Variants in RICTOR observed in about 807,000 individuals in gnomAD.
RICTOR encodes rapamycin-insensitive companion of mTOR.
In RICTOR, 49 loss-of-function variants were observed where a neutral mutation model predicts 214.9. The observed-to-expected ratio is 0.23, with a 90% CI of 0.18 to 0.29. The LOEUF (loss-of-function observed/expected upper bound fraction) is 0.29. RICTOR is among the 10% of genes least tolerant of loss of function. The pLI, the probability that RICTOR is intolerant of heterozygous loss-of-function variation, is 1.00. For synonymous variants in RICTOR, 717 were observed against 711.3 expected (o/e 1.01, Z -0.13); for missense variants, 1,625 against 2,047.0 (o/e 0.79, Z 3.98).
Position 38,994,117 on chromosome 5 carries a change from G to T in RICTOR, c.456+2702C>A, listed in dbSNP as rs573380994. Among the ~76,000 whole-genome samples, 304 of 152,102 alleles carry T rather than the reference G, an allele frequency of 2.0e-3. 4 individuals carry two copies. The highest frequency in any genetic ancestry group is 6.9e-3 in the African/African-American group (286 of 41,522). On this transcript the variant is annotated intron_variant, in intron 6 of 37. Coordinates refer to ENST00000357387, the MANE Select transcript of RICTOR (RefSeq NM_152756.5). ...AGGCAGGAGAATGGCTTGAACCCGGGAGGTGGAGCTTGCAGTGAGCCGAGA... is the reference window on the plus strand; with the variant it reads ...AGGCAGGAGAATGGCTTGAACCCGGTAGGTGGAGCTTGCAGTGAGCCGAGA...
At chr5:38,999,547 C>T (rs929829477) in intron 5 of RICTOR, among the ~76,000 whole-genome samples, 1 of 151,676 alleles carries the variant, frequency 6.6e-6, no homozygotes, top group Non-Finnish European at 1.5e-5. Context: ...TCTAGGACAA[C>T]TACTAAAAAG....
At chr5:38,947,496 C>A (rs1034848156) in intron 31 of RICTOR, 55 bp from the exon 32 acceptor site, 2 of 1,277,440 alleles carry the variant, frequency 1.6e-6, no homozygotes, top group South Asian at 1.3e-5. Context: ...TAATTTTAAT[C>A]ATATGAAGAA....
At chr5:39,035,156 T>C (rs1310474031) in intron 2 of RICTOR, among the ~76,000 whole-genome samples, 2 of 152,174 alleles carry the variant, frequency 1.3e-5, no homozygotes, top group Non-Finnish European at 2.9e-5. Flanking sequence ...GCAGCATTTG[T>C]GGTTCACCAA....
chr5:38,960,311 G>C, intron 20 of RICTOR, 87 bp downstream of exon 20: 1 of 1,325,288 alleles, frequency 7.5e-7, no homozygotes, highest in Non-Finnish European at 1.1e-6. Flanking sequence ...AGAAATAAAA[G>C]CAAAACACAA....
chr5:39,055,299 T>G (rs1030273943), intron 2 of RICTOR, among the ~76,000 whole-genome samples: 1 of 152,158 alleles, frequency 6.6e-6, no homozygotes, highest in Non-Finnish European at 1.5e-5. Flanking sequence ...TCCTGTCTCG[T>G]TGATAGTCAC....
At chr5:38,944,591 G>A (rs753607229) in intron 35 of RICTOR, 22 bp from the exon 36 acceptor site, 8 of 1,558,942 alleles carry the variant, frequency 5.1e-6, no homozygotes, top group Non-Finnish European at 6.1e-6. Context: ...TCAGGGAGAA[G>A]TTAAATATTA....
At chr5:39,002,975 G>T (rs1325180402) in intron 4 of RICTOR, among the ~76,000 whole-genome samples, 1 of 151,842 alleles carries the variant, frequency 6.6e-6, no homozygotes, top group Admixed American at 6.6e-5. Flanking sequence ...ATAAACAATG[G>T]TACAGCCTTT....
chr5:38,975,740 A>C, intron 9 of RICTOR, 136 bp from the exon 10 acceptor site: 5 of 495,344 alleles, frequency 1.0e-5, no homozygotes, highest in South Asian at 4.1e-5. Flanking sequence ...CAAGACAAAG[A>C]TCAGATCTAC....
rs189083166 is a variant in RICTOR at position 39,052,103 on chromosome 5, G to C, written c.97+22008C>G. ...TGCAAGGGTAAATAGGCCAGGCGTG[G>C]TGGCTCACACCTGTAATCCCAGCAC... On this transcript the variant is annotated intron_variant, in intron 2 of 37. Coordinates refer to ENST00000357387, the MANE Select transcript of RICTOR (RefSeq NM_152756.5). 1.0e-3 allele frequency among the ~76,000 whole-genome samples: 155 copies of C among 152,282 alleles called. 1 individual carries two copies. The Middle Eastern group carries it at 0.01, about 10-fold the overall frequency.
intron 14 of RICTOR, 28 bp downstream of exon 14, chr5:38,967,133 G>A (rs750913659): frequency 6.7e-7 from 1 of 1,494,536 alleles, no homozygotes; most frequent in South Asian, 1.1e-5. Flanking sequence ...TAAACAAAAT[G>A]GAATAAAATA....
intron 2 of RICTOR, among the ~76,000 whole-genome samples, chr5:39,033,649 A>G (rs1024605488): frequency 2.0e-5 from 3 of 152,102 alleles, no homozygotes; most frequent in Admixed American, 6.6e-5. Context: ...TGTCTTCCCT[A>G]AAGATGGGAA....
chr5:39,064,537 A>C (rs960393509), intron 2 of RICTOR, among the ~76,000 whole-genome samples: 1 of 152,220 alleles, frequency 6.6e-6, no homozygotes, highest in Non-Finnish European at 1.5e-5. Context: ...TTGAGAATGG[A>C]CTGTATTTAA....
chr5:39,056,249 A>C (rs1156655707), intron 2 of RICTOR, among the ~76,000 whole-genome samples: 2 of 152,212 alleles, frequency 1.3e-5, no homozygotes, highest in Non-Finnish European at 2.9e-5. Context: ...AATGGTGAAC[A>C]AAACAAAGTA....
Position 38,942,372 on chromosome 5 carries a change from C to T in RICTOR, c.5059G>A (p.Glu1687Lys). 3 of 1,587,536 alleles carry T rather than the reference C, an allele frequency of 1.9e-6. No individual in the cohort carries two copies. The highest frequency in any genetic ancestry group is 2.6e-6 in the Non-Finnish European group (3 of 1,162,270). Residue 1687 changes from glutamate (E) to lysine (K), a missense_variant, in exon 38 of 38, where the codon GAA becomes AAA. By Grantham distance (56) the Glu-to-Lys change is moderately conservative (BLOSUM62 1). Transcript: ENST00000357387. ...FQDVQFLQMH[E>K]EAEAVLATPP... The stretch of plus-strand genomic sequence containing the variant: ...GTTGCCAACACAGCCTCTGCTTCTT[C>T]ATGCATCTAGGGAAAAAATGGTGTA...
rs534335663 is a variant in RICTOR at position 39,013,500 on chromosome 5, CTGTT to C, written c.195+7535_195+7538del. On this transcript the variant is annotated intron_variant, in intron 3 of 37. Transcript: ENST00000357387. ...TTATCTCCAAGTATTAAAAATTTGTCTGTTTATTAAAATGATCAAGTTTTAAAAA... is the reference window on the plus strand; with the variant it reads ...TTATCTCCAAGTATTAAAAATTTGTCTATTAAAATGATCAAGTTTTAAAAA... Among the ~76,000 whole-genome samples, 193 of 152,184 alleles carry C rather than the reference CTGTT, an allele frequency of 1.3e-3. 8 individuals are homozygous for C. The Middle Eastern group carries it at 0.044, about 35-fold the overall frequency.
At chr5:39,050,474 C>T (rs1348693687) in intron 2 of RICTOR, among the ~76,000 whole-genome samples, 2 of 152,008 alleles carry the variant, frequency 1.3e-5, no homozygotes, top group Admixed American at 1.3e-4. Context: ...GTTGCTGGGA[C>T]TACAGGTGCA....
chr5:38,944,664 T>C (rs1747976581), intron 35 of RICTOR, 95 bp from the exon 36 acceptor site: 2 of 1,112,252 alleles, frequency 1.8e-6, no homozygotes, highest in Admixed American at 5.0e-5. Flanking sequence ...CCTAAAGACC[T>C]AGAGATCAAT....
chr5:38,952,278 A>C lies in RICTOR; in HGVS notation c.3045T>G (p.Leu1015=), dbSNP rs1474538498. 2 of 1,612,906 alleles carry C rather than the reference A, an allele frequency of 1.2e-6. No homozygotes were observed. The highest frequency in any genetic ancestry group is 1.3e-5 in the African/African-American group (1 of 74,812). Residue 1015 remains leucine (L), a synonymous_variant, in exon 30 of 38, where the codon CTT becomes CTG. Transcript: ENST00000357387. Reference sequence around the variant, plus strand: ...AACTTAGAGTGCTTGGGATAGATGAAAGTTCATTACAGAGTTGTTCCACAT... The same window carrying C: ...AACTTAGAGTGCTTGGGATAGATGACAGTTCATTACAGAGTTGTTCCACAT... The part of the protein sequence containing the change: ...PDDVEQLCNE[L]SSIPSTLSLN...
At position 39,064,484 on chromosome 5, in the gene RICTOR, T is replaced by C. The variant is rs547794270; in HGVS notation, c.97+9627A>G. 3.9e-5 allele frequency among the ~76,000 whole-genome samples: 6 copies of C among 152,336 alleles called. No homozygotes were observed. The South Asian group carries it at 1.2e-3, about 32-fold the overall frequency. ...CAATATAAAGTATTTAGATTATATA[T>C]TTAGCATTCTTCTACCATTATTCAT... On this transcript the variant is annotated intron_variant, in intron 2 of 37. Transcript: ENST00000357387.
Sources: gnomAD v4.1 joint callset for allele counts (sites outside exome capture counted in the v4.1 genomes callset) on GRCh38, gnomAD v4.1.1 for gene constraint, MANE v1.5 for transcripts, NCBI Gene and HGNC (gene_info 2026-07-23, HGNC 2026-07-21) for gene names.